Variants in REV3L observed in about 807,000 individuals in gnomAD.
The protein encoded by REV3L is REV3 like, DNA directed polymerase zeta catalytic subunit.
REV3L carries 69 observed loss-of-function variants against 299.4 expected under a neutral mutation model. That is an observed-to-expected ratio of 0.23 (90% confidence interval 0.19 to 0.28). REV3L has a LOEUF of 0.28. Ranked by LOEUF, REV3L falls within the 10% of genes least tolerant of loss-of-function variation. The pLI, the probability that REV3L is intolerant of heterozygous loss-of-function variation, is 1.00. For missense variants in REV3L, 3,128 were observed against 3,693.8 expected (o/e 0.85, Z 3.97); for synonymous variants, 1,238 against 1,271.4 (o/e 0.97, Z 0.56).
Position 111,375,563 on chromosome 6 carries a change from T to C in REV3L, c.2792A>G (p.Asp931Gly). 1 of 1,613,796 alleles carries C rather than the reference T, an allele frequency of 6.2e-7. No individual in the cohort carries two copies. The highest frequency in any genetic ancestry group is 1.1e-5 in the South Asian group (1 of 91,056). The change falls in exon 13 of 32, where the codon GAC becomes GGC. Residue 931 changes from aspartate to glycine, a missense_variant. Around this residue, in one of 9 missense-constraint regions of REV3L, gnomAD observed 2,409 missense variants for 2,611.8 expected, o/e 0.92. Coordinates refer to ENST00000368802, the MANE Select transcript of REV3L (RefSeq NM_001372078.1). Reference sequence around the variant, plus strand: ...GTGAGTTACAAAACTTGACTCACTGTCTTCAGTCTCATAATTTACCTTGCG... The same window carrying C: ...GTGAGTTACAAAACTTGACTCACTGCCTTCAGTCTCATAATTTACCTTGCG... ...AKRKVNYETE[D>G]SESSFVTHNS...
At chr6:111,450,833 C>T (rs752460380) in intron 1 of REV3L, among the ~76,000 whole-genome samples, 13 of 152,200 alleles carry the variant, frequency 8.5e-5, no homozygotes, top group Non-Finnish European at 1.6e-4. Context: ...CGCTTTTGTC[C>T]AATCTGTTGC....
At chr6:111,353,638 C>G (rs1161587590) in intron 18 of REV3L, 5 of 152,134 alleles carry the variant, frequency 3.3e-5, no homozygotes, top group African/African-American at 1.2e-4. Flanking sequence ...GTTGACATTT[C>G]TGAGAAAATG....
At chr6:111,470,307 T>C (rs1268751162) in intron 1 of REV3L, among the ~76,000 whole-genome samples, 1 of 152,224 alleles carries the variant, frequency 6.6e-6, no homozygotes, top group Non-Finnish European at 1.5e-5. Flanking sequence ...TCTCAAATTC[T>C]GCTTCACTGT....
At chr6:111,342,718 A>T (rs1328331273) in intron 21 of REV3L, among the ~76,000 whole-genome samples, 1 of 151,980 alleles carries the variant, frequency 6.6e-6, no homozygotes, top group Non-Finnish European at 1.5e-5. Flanking sequence ...TAGACAGGAG[A>T]ACTGAGAAAC....
chr6:111,451,462 T>C (rs1268061117), intron 1 of REV3L, among the ~76,000 whole-genome samples: 1 of 152,154 alleles, frequency 6.6e-6, no homozygotes, highest in Non-Finnish European at 1.5e-5. Flanking sequence ...GGTGCACTTT[T>C]GACAGGCTGG....
chr6:111,359,520 G>GAAAAAAA (rs371680267), intron 16 of REV3L, among the ~76,000 whole-genome samples: 14 of 102,586 alleles, frequency 1.4e-4, no homozygotes, highest in Non-Finnish European at 2.2e-4. Context: ...AGTTTTTCCT[G>GAAAAAAA]AAAAAAAAAA....
rs112546621 is a variant in REV3L at position 111,334,321 on chromosome 6, T to C, written c.7681-954A>G. On this transcript the variant is annotated intron_variant, in intron 22 of 31. Transcript: ENST00000368802. ...TAGTTTGACAATTTCGTTTAAGAAG[T>C]TGGTTGATAATCCTGGAGAAATTTA... 7.3e-3 allele frequency among the ~76,000 whole-genome samples: 1,105 copies of C among 152,274 alleles called. 12 individuals are homozygous for C. The highest frequency in any genetic ancestry group is 0.025 in the African/African-American group (1,051 of 41,550).
At chr6:111,335,355 C>T (rs1433807580) in intron 22 of REV3L, 114 bp downstream of exon 22, 1 of 1,127,260 alleles carries the variant, frequency 8.9e-7, no homozygotes, top group African/African-American at 1.6e-5. Context: ...AATTACCCAG[C>T]TATTGATTAG....
Position 111,421,995 on chromosome 6 carries a change from A to C in REV3L, c.140-5523T>G, listed in dbSNP as rs367922030. On this transcript the variant is annotated intron_variant, in intron 1 of 31. Transcript: ENST00000368802. ...AACTAAACAAAACTCAGTCACAGAAAGTGTTAAATTATCTATTCTCATGGA... is the reference window on the plus strand; with the variant it reads ...AACTAAACAAAACTCAGTCACAGAACGTGTTAAATTATCTATTCTCATGGA... Among the ~76,000 whole-genome samples, 94 of 152,312 alleles carry C rather than the reference A, an allele frequency of 6.2e-4. 1 individual carries two copies. The South Asian group carries it at 0.019, about 31-fold the overall frequency.
At chr6:111,349,178 A>G (rs1443532338) in intron 20 of REV3L, 40 bp downstream of exon 20, 1 of 1,005,152 alleles carries the variant, frequency 9.9e-7, no homozygotes, top group Non-Finnish European at 1.6e-6. Context: ...TATTGACCGA[A>G]TATCTTATTT....
chr6:111,338,119 T>C (rs1191537675), intron 21 of REV3L, among the ~76,000 whole-genome samples: 1 of 152,132 alleles, frequency 6.6e-6, no homozygotes, highest in Non-Finnish European at 1.5e-5. Flanking sequence ...TTTAAAAAGG[T>C]ATGTATTACA....
intron 1 of REV3L, among the ~76,000 whole-genome samples, chr6:111,481,118 G>C (rs1793577955): frequency 6.6e-6 from 1 of 152,072 alleles, no homozygotes; most frequent in Non-Finnish European, 1.5e-5. Flanking sequence ...AATTATGTGT[G>C]GAAAAGTAAC....
chr6:111,464,298 C>G (rs946488119), intron 1 of REV3L, among the ~76,000 whole-genome samples: 4 of 152,102 alleles, frequency 2.6e-5, no homozygotes, highest in Non-Finnish European at 5.9e-5. Context: ...GAAGGCAAAT[C>G]TATCTTTTTA....
rs762081885 is a variant in REV3L at position 111,363,876 on chromosome 6, G to C, written c.6856C>G (p.Gln2286Glu). The C allele has an allele frequency of 9.9e-6, 16 of 1,613,080 alleles. No homozygotes were observed. The highest frequency in any genetic ancestry group is 1.4e-5 in the Non-Finnish European group (16 of 1,179,608). Residue 2286 changes from glutamine to glutamate, a missense_variant, in exon 16 of 32, where the codon CAG (glutamine) becomes GAG (glutamate). Coordinates refer to ENST00000368802, the MANE Select transcript of REV3L (RefSeq NM_001372078.1). ...YGFKVSIQNL[Q>E]EAKALHEIQN... is the part of the protein sequence containing the mutation. ...ACCTCATGTAAAGCTTTTGCCTCCT[G>C]TAAGTTTTGTATGCTGACTTTGAAA...
At chr6:111,453,029 A>G (rs1789740681) in intron 1 of REV3L, among the ~76,000 whole-genome samples, 1 of 152,112 alleles carries the variant, frequency 6.6e-6, no homozygotes, top group Admixed American at 6.5e-5. Context: ...ATAAATATAT[A>G]TTTTAACCAT....
intron 26 of REV3L, among the ~76,000 whole-genome samples, chr6:111,316,850 A>T (rs1023335779): frequency 6.6e-6 from 1 of 152,224 alleles, no homozygotes; most frequent in Non-Finnish European, 1.5e-5. Context: ...ATAATGGATC[A>T]TGTTACTTGG....
intron 5 of REV3L, among the ~76,000 whole-genome samples, chr6:111,392,227 A>G (rs1408228960): frequency 6.6e-6 from 1 of 152,230 alleles, no homozygotes; most frequent in African/African-American, 2.4e-5. Flanking sequence ...ACTTGCCCTT[A>G]TACAAAACTA....
intron 28 of REV3L, 179 bp downstream of exon 28, chr6:111,313,173 A>AC: frequency 1.9e-6 from 1 of 515,774 alleles, no homozygotes; most frequent in Non-Finnish European, 3.1e-6. Context: ...AAACAAACAA[A>AC]AACAAAATAA....
At chr6:111,418,004 A>G (rs1231338322) in intron 1 of REV3L, among the ~76,000 whole-genome samples, 1 of 152,250 alleles carries the variant, frequency 6.6e-6, no homozygotes, top group Non-Finnish European at 1.5e-5. Context: ...GAGAACATTC[A>G]AACTATATTA....
Sources: allele counts gnomAD v4.1 joint callset (sites outside exome capture counted in the v4.1 genomes callset), GRCh38; gene constraint gnomAD v4.1.1; regional missense constraint gnomAD v4.1.1; transcripts MANE v1.5; gene names NCBI Gene and HGNC (gene_info 2026-07-23, HGNC 2026-07-21).